The following ZNF250 variants were observed in gnomAD, a reference collection of about 807,000 sequenced individuals.
ZNF250 encodes the protein zinc finger protein 250.
In ZNF250, 13 loss-of-function variants were observed where a neutral mutation model predicts 37.1. That is an observed-to-expected ratio of 0.35 (90% confidence interval 0.23 to 0.56). The LOEUF is 0.56. Among genes scored for constraint, ZNF250 ranks in the 20% least tolerant of loss-of-function variants. The probability of loss-of-function intolerance (pLI) is 0.87; values close to 1 mark genes in which losing one functional copy is unlikely to be tolerated. For missense variants in ZNF250, 474 were observed against 697.9 expected (o/e 0.68, Z 3.61); for synonymous variants, 251 against 265.6 (o/e 0.94, Z 0.54).
intron 4 of ZNF250, among the ~76,000 whole-genome samples, chr8:144,887,246 G>A (rs528649794): frequency 6.9e-4 from 51 of 73,778 alleles, no homozygotes; most frequent in Admixed American, 1.9e-3. Flanking sequence ...GTGAAACTCC[G>A]TCTCTCAAAA....
intron 1 of ZNF250, chr8:144,895,273 T>C (rs1832634887): frequency 3.9e-5 from 6 of 152,126 alleles, no homozygotes; most frequent in Admixed American, 3.3e-4. Context: ...GGTCACCAGA[T>C]GGGTGAGTGA....
chr8:144,882,808 A>G lies in ZNF250; in HGVS notation c.375T>C (p.Asn125=). ...TTAATGGCTTCGGACTCAAGTCTGT[A>G]TTTTGACTCTCTCCCTTGGTTTCAC... ...WECETKGESQ[N]TDLSPKPLIS... is the part of the protein sequence containing the mutation. The change falls in exon 6 of 6, where the codon AAT becomes AAC. Residue 125 remains asparagine, a synonymous_variant. Coordinates refer to ENST00000417550, the MANE Select transcript of ZNF250 (RefSeq NM_001109689.4). This position sits in a 1 kb window ranked among gnomAD's most constrained non-coding sequence, Gnocchi z 5.5. 6.2e-7 allele frequency: 1 copy of G among 1,611,952 alleles called. No homozygotes were observed. The highest frequency in any genetic ancestry group is 8.5e-7 in the Non-Finnish European group (1 of 1,178,890).
chr8:144,882,063 G>T lies in ZNF250; in HGVS notation c.1120C>A (p.Arg374Ser). Reference protein sequence around the residue: ...CSECGKAFSDRSVLIQHHNVH... With the variant: ...CSECGKAFSDSSVLIQHHNVH... ...TTGTGGTGCTGAATGAGGACTGAGC[G>T]GTCGCTGAAGGCCTTCCCACACTCG... The change falls in exon 6 of 6, where the codon CGC becomes AGC. Residue 374 changes from arginine (R) to serine (S), a missense_variant. Coordinates refer to ENST00000417550, the MANE Select transcript of ZNF250 (RefSeq NM_001109689.4). This position sits in a 1 kb window ranked among gnomAD's most constrained non-coding sequence, Gnocchi z 5.5. 6 of 1,612,326 alleles carry T rather than the reference G, an allele frequency of 3.7e-6. No individual in the cohort carries two copies. Among genetic ancestry groups the T allele is most frequent in the Non-Finnish European group, 5.1e-6 (6 of 1,179,510 alleles).
In ZNF250 at chr8:144,889,617, C is replaced by A; in HGVS notation, c.247G>T (p.Ala83Ser). ...EDPWVLDRKG[A>S]KKSQGLWSDY... ...CTCCACAGGCCCTGGCTCTTCTTAG[C>A]CCCCTTCCTGTCCAGGACCCAGGGA... The change falls in exon 4 of 6, where the codon GCT becomes TCT. Residue 83 changes from alanine (A) to serine (S), a missense_variant. Transcript: ENST00000417550. The A allele has an allele frequency of 6.2e-7, 1 of 1,613,970 alleles. No individual in the cohort carries two copies. The highest frequency in any genetic ancestry group is 8.5e-7 in the Non-Finnish European group (1 of 1,179,874).
chr8:144,899,110 T>C (rs1399360365), intron 1 of ZNF250, among the ~76,000 whole-genome samples: 2 of 152,146 alleles, frequency 1.3e-5, no homozygotes, highest in South Asian at 2.1e-4. Flanking sequence ...ATTATGTTAA[T>C]TGAAATAAGC....
In ZNF250 at chr8:144,889,694, C is replaced by A; in HGVS notation, c.170G>T (p.Gly57Val). The A allele has an allele frequency of 6.2e-7, 1 of 1,613,554 alleles. No individual in the cohort carries two copies. ...METYGNVVSL[G>V]LPGSKPDIIS... The stretch of plus-strand genomic sequence containing the variant: ...TATGTCAGGCTTGGATCCTGGAAGT[C>A]CTGCTCGTGGGGAGGGAAGTCTTTG... The change falls in exon 4 of 6, where the codon GGA (glycine) becomes GTA (valine). Residue 57 changes from glycine (G) to valine (V), a missense_variant and splice_region_variant. Gly to Val is a moderately radical substitution (Grantham distance 109). This residue lies in a region of ZNF250 where 192 missense variants were observed against 227.5 expected (regional missense o/e 0.84). Transcript: ENST00000417550.
intron 4 of ZNF250, among the ~76,000 whole-genome samples, chr8:144,887,106 TG>T (rs1301973710): frequency 6.6e-6 from 1 of 151,630 alleles, no homozygotes; most frequent in Non-Finnish European, 1.5e-5. Flanking sequence ...AAAAATTAGC[TG>T]GACATGGTGG....
chr8:144,897,422 CT>C lies in ZNF250; in HGVS notation c.-55+3976del, dbSNP rs913665687. On this transcript the variant is annotated intron_variant, in intron 1 of 5. Coordinates refer to ENST00000417550, the MANE Select transcript of ZNF250 (RefSeq NM_001109689.4). This position sits in a 1 kb window ranked among gnomAD's most constrained non-coding sequence, Gnocchi z 5.2. ...CTAAACTAACCCTAACTAACCTAAA[CT>C]AACCCTAACCTGCAACCTTTCCAGA... Among the ~76,000 whole-genome samples the C allele has an allele frequency of 1.2e-4, 18 of 152,248 alleles. No homozygotes were observed. Among genetic ancestry groups the C allele is most frequent in the Non-Finnish European group, 1.5e-4 (10 of 68,044 alleles).
At position 144,882,151 on chromosome 8, in the gene ZNF250, A is replaced by T; in HGVS notation, c.1032T>A (p.Ser344Arg). The change falls in exon 6 of 6, where the codon AGT becomes AGA. Residue 344 changes from serine (S) to arginine (R), a missense_variant. Coordinates refer to ENST00000417550, the MANE Select transcript of ZNF250 (RefSeq NM_001109689.4). This position sits in a 1 kb window ranked among gnomAD's most constrained non-coding sequence, Gnocchi z 5.5. ...HRCNECGKTF[S>R]VKRTLLQHQR... ...GGTGCTGCAGCAGTGTCCTCTTCAC[A>T]CTGAAGGTTTTCCCACACTCATTGC... is the stretch of plus-strand genomic sequence containing the variant. 6.2e-7 allele frequency: 1 copy of T among 1,612,828 alleles called. No individual in the cohort carries two copies. The highest frequency in any genetic ancestry group is 1.7e-5 in the Admixed American group (1 of 59,908).
rs536858212 is a variant in ZNF250 at position 144,891,606 on chromosome 8, C to T, written c.-54-1203G>A. On this transcript the variant is annotated intron_variant, in intron 1 of 5. Transcript: ENST00000417550. The surrounding 1 kb of genome is among the most constrained non-coding windows in gnomAD (Gnocchi z 4.0). Reference sequence around the variant, plus strand: ...GTGGCTTATGCCTGTAATCCCAGCACTTTGGGAGGCCGAGGCAGGCGGATC... The same window carrying T: ...GTGGCTTATGCCTGTAATCCCAGCATTTTGGGAGGCCGAGGCAGGCGGATC... Among the ~76,000 whole-genome samples, 1 of 152,182 alleles carries T rather than the reference C, an allele frequency of 6.6e-6. No individual in the cohort carries two copies. Among genetic ancestry groups the T allele is most frequent in the South Asian group, 2.1e-4 (1 of 4,820 alleles).
chr8:144,888,598 A>G (rs1431419468), intron 4 of ZNF250, among the ~76,000 whole-genome samples: 4 of 125,434 alleles, frequency 3.2e-5, no homozygotes, highest in African/African-American at 3.8e-5. Context: ...ACTGTCTCAA[A>G]AAAAAAAAAA....
chr8:144,887,778 C>T (rs1831999469), intron 4 of ZNF250, among the ~76,000 whole-genome samples: 1 of 152,174 alleles, frequency 6.6e-6, no homozygotes, highest in Non-Finnish European at 1.5e-5. Context: ...GCAAGATTTC[C>T]AAGACATGAT....
Position 144,899,228 on chromosome 8 carries a change from G to T in ZNF250, c.-55+2171C>A, listed in dbSNP as rs548647705. 1.6e-4 allele frequency among the ~76,000 whole-genome samples: 24 copies of T among 152,214 alleles called. 2 individuals are homozygous for T. Among genetic ancestry groups the T allele is most frequent in the South Asian group, 1.0e-3 (5 of 4,818 alleles). Reference sequence around the variant, plus strand: ...ATGATGATTACCAGAGGATGGGAAGGGTGGGGTTGGGGGGAGGTATGAGAT... The same window carrying T: ...ATGATGATTACCAGAGGATGGGAAGTGTGGGGTTGGGGGGAGGTATGAGAT... On this transcript the variant is annotated intron_variant, in intron 1 of 5. Coordinates refer to ENST00000417550, the MANE Select transcript of ZNF250 (RefSeq NM_001109689.4).
chr8:144,887,470 T>A (rs935021546), intron 4 of ZNF250, among the ~76,000 whole-genome samples: 1 of 152,044 alleles, frequency 6.6e-6, no homozygotes, highest in Admixed American at 6.6e-5. Context: ...GGCTTCTGTT[T>A]CTATGCACAT....
At position 144,880,281 on chromosome 8, in the gene ZNF250, G is replaced by A. The variant is rs1831375623; in HGVS notation, c.*1234C>T. ...AAAGAGCTATCTGAATTTGAGAAAT[G>A]TATGTTTTAAATATATCTACCAAAG... is the stretch of plus-strand genomic sequence containing the variant. On this transcript the variant is annotated 3_prime_UTR_variant, in exon 6 of 6. Coordinates refer to ENST00000417550, the MANE Select transcript of ZNF250 (RefSeq NM_001109689.4). The A allele has an allele frequency of 3.1e-6, 1 of 320,582 alleles. No homozygotes were observed. Among genetic ancestry groups the A allele is most frequent in the African/African-American group, 2.2e-5 (1 of 46,424 alleles). 19.9% of individuals were successfully genotyped at this position (320,582 alleles called of 1,614,324 possible). A position where few individuals can be genotyped will look rare whatever the true frequency, so the allele number is the denominator to read the frequency against.
In ZNF250 at chr8:144,882,827, G is replaced by C; in HGVS notation, c.356C>G (p.Thr119Ser). The change falls in exon 6 of 6, where the codon ACC becomes AGC. Residue 119 changes from threonine to serine, a missense_variant. By Grantham distance (58) the Thr-to-Ser change is moderately conservative. Coordinates refer to ENST00000417550, the MANE Select transcript of ZNF250 (RefSeq NM_001109689.4). This position sits in a 1 kb window ranked among gnomAD's most constrained non-coding sequence, Gnocchi z 5.5. ...DSLSCPWECE[T>S]KGESQNTDLS... ...GTCTGTATTTTGACTCTCTCCCTTG[G>C]TTTCACATTCTGAAAGAACAAATCC... The C allele has an allele frequency of 6.2e-7, 1 of 1,604,864 alleles. No homozygotes were observed. The highest frequency in any genetic ancestry group is 8.5e-7 in the Non-Finnish European group (1 of 1,175,532).
intron 3 of ZNF250, 97 bp from the exon 4 acceptor site, chr8:144,889,791 G>T: frequency 6.9e-7 from 1 of 1,458,632 alleles, no homozygotes; most frequent in Non-Finnish European, 9.2e-7. Context: ...GGACAGGACT[G>T]ATCTTCTGCT....
chr8:144,884,211 A>G (rs901564103), intron 5 of ZNF250, among the ~76,000 whole-genome samples: 12 of 152,204 alleles, frequency 7.9e-5, no homozygotes, highest in Non-Finnish European at 1.5e-4. Context: ...TATTCCATTA[A>G]GTTAAAATAC....
intron 1 of ZNF250, among the ~76,000 whole-genome samples, chr8:144,895,708 T>C (rs1250989083): frequency 1.3e-5 from 2 of 151,578 alleles, no homozygotes; most frequent in East Asian, 1.9e-4. Context: ...CATCACATAT[T>C]GCTAATTAAA....
Sources: allele counts gnomAD v4.1 joint callset (sites outside exome capture counted in the v4.1 genomes callset), GRCh38; gene constraint gnomAD v4.1.1; regional missense constraint gnomAD v4.1.1; non-coding constraint Gnocchi (gnomAD v3.1); transcripts MANE v1.5; gene names NCBI Gene and HGNC (gene_info 2026-07-23, HGNC 2026-07-21).